The following GRK4 variants were observed in gnomAD, a reference collection of about 807,000 sequenced individuals.
The protein encoded by GRK4 is G protein-coupled receptor kinase 2-like.
GRK4 carries 73 observed loss-of-function variants against 77.9 expected under a neutral mutation model. The ratio of observed to expected loss-of-function variants is 0.94; its 90% CI spans 0.78 to 1.14. The LOEUF (loss-of-function observed/expected upper bound fraction) is 1.14, where lower values mean the gene tolerates loss of function less well. Among genes scored for constraint, GRK4 ranks in the 50% most tolerant of loss-of-function variants. The pLI is 0.00. For missense variants in GRK4, 729 were observed against 700.2 expected (o/e 1.04, Z -0.46); for synonymous variants, 257 against 254.4 (o/e 1.01, Z -0.10).
chr4:3,018,074 C>CT (rs1259774426), intron 8 of GRK4, among the ~76,000 whole-genome samples: 125 of 131,726 alleles, frequency 9.5e-4, no homozygotes, highest in Middle Eastern at 8.3e-3. Flanking sequence ...TTTTCTTTTT[C>CT]TTTTTTTTTT....
chr4:3,017,128 T>C (rs1168996353), intron 8 of GRK4, among the ~76,000 whole-genome samples: 2 of 152,228 alleles, frequency 1.3e-5, no homozygotes, highest in Non-Finnish European at 2.9e-5. Flanking sequence ...TCCACTTTCC[T>C]GATTAAAAAC....
At position 2,992,283 on chromosome 4, in the gene GRK4, C is replaced by T; in HGVS notation, c.330C>T (p.Phe110=). Residue 110 remains phenylalanine (F), a synonymous_variant, in exon 4 of 16, where the codon TTC becomes TTT. Coordinates refer to ENST00000398052, the MANE Select transcript of GRK4 (RefSeq NM_182982.3). ...GACTGTCAATCTTAGATAGATTCTT[C>T]AATGATAAGGTGTGTTTTCTTCTTT... ...DCGLSILDRF[F]NDKLAAPLPE... The T allele has an allele frequency of 6.3e-7, 1 of 1,596,962 alleles. No homozygotes were observed. The highest frequency in any genetic ancestry group is 1.7e-4 in the Middle Eastern group (1 of 5,988).
At chr4:3,008,813 A>C (rs1176944746) in intron 6 of GRK4, among the ~76,000 whole-genome samples, 1 of 152,078 alleles carries the variant, frequency 6.6e-6, no homozygotes, top group Non-Finnish European at 1.5e-5. Context: ...AAAAAAAAAA[A>C]AAAAAGTGTT....
chr4:2,977,376 A>G (rs569924479), intron 1 of GRK4, among the ~76,000 whole-genome samples: 1 of 152,274 alleles, frequency 6.6e-6, no homozygotes, highest in East Asian at 1.9e-4. Flanking sequence ...TGTTGCTGCT[A>G]CTGAATAACG....
At chr4:3,001,073 C>CTATATATATATATATATATATATATATA (rs368506630) in intron 4 of GRK4, among the ~76,000 whole-genome samples, 1 of 76,124 alleles carries the variant, frequency 1.3e-5, no homozygotes, top group African/African-American at 6.6e-5. Flanking sequence ...CTAAATGAGA[C>CTATATATATATATATATATATATATATA]TATATATATA....
chr4:2,997,290 A>G (rs919405109), intron 4 of GRK4, among the ~76,000 whole-genome samples: 1 of 152,216 alleles, frequency 6.6e-6, no homozygotes, highest in African/African-American at 2.4e-5. Flanking sequence ...ATCAATTACT[A>G]TAATACACCA....
At chr4:2,964,147 A>ACCCCCC in intron 1 of GRK4, 25 bp downstream of exon 1, 1 of 1,152,872 alleles carries the variant, frequency 8.7e-7, no homozygotes, top group Non-Finnish European at 1.2e-6. Context: ...GGCGCCCCCG[A>ACCCCCC]CCCCCCCCCC....
chr4:3,007,895 C>T (rs1731774907), intron 6 of GRK4, 67 bp downstream of exon 6: 1 of 1,065,156 alleles, frequency 9.4e-7, no homozygotes, highest in Non-Finnish European at 1.4e-6. Context: ...CCCAGCTACT[C>T]AGGAGGCTGA....
At chr4:3,037,535 C>G (rs779845210) in intron 14 of GRK4, 24 bp downstream of exon 14, 1 of 1,587,720 alleles carries the variant, frequency 6.3e-7, no homozygotes, top group East Asian at 2.3e-5. Flanking sequence ...AGCACAGCCG[C>G]TTTACGTTAG....
chr4:2,971,760 G>A lies in GRK4; in HGVS notation c.52+7638G>A, dbSNP rs550497219. On this transcript the variant is annotated intron_variant, in intron 1 of 15. Coordinates refer to ENST00000398052, the MANE Select transcript of GRK4 (RefSeq NM_182982.3). ...TTCTGTGGGCTGTGAGGAAGAATCT[G>A]TCGCAGGCCTCTCTCCCAGCCTCTG... is the stretch of plus-strand genomic sequence containing the variant. Among the ~76,000 whole-genome samples, 48 of 152,344 alleles carry A rather than the reference G, an allele frequency of 3.2e-4. No individual in the cohort carries two copies. The South Asian group carries it at 9.7e-3, about 31-fold the overall frequency.
chr4:3,001,089 A>ATATATATGTGTG, intron 4 of GRK4, among the ~76,000 whole-genome samples: 1 of 82,432 alleles, frequency 1.2e-5, no homozygotes, highest in African/African-American at 5.8e-5. Flanking sequence ...ATATATATAT[A>ATATATATGTGTG]TGTGTGTGTG....
chr4:3,039,901 T>C (rs1441252419), intron 15 of GRK4, among the ~76,000 whole-genome samples: 1 of 152,022 alleles, frequency 6.6e-6, no homozygotes, highest in African/African-American at 2.4e-5. Flanking sequence ...TGTCCACACT[T>C]GGAGATGGAA....
intron 12 of GRK4, among the ~76,000 whole-genome samples, chr4:3,032,893 G>A (rs1057388370): frequency 3.9e-5 from 6 of 152,218 alleles, no homozygotes; most frequent in African/African-American, 1.2e-4. Context: ...GCCAGCTTTT[G>A]GACCAAGCCC....
At chr4:3,004,193 T>C (rs550286590) in intron 4 of GRK4, 38 bp from the exon 5 acceptor site, 1 of 1,341,318 alleles carries the variant, frequency 7.5e-7, no homozygotes, top group South Asian at 1.2e-5. Context: ...AGTTATGAAA[T>C]CACTAATGGT....
At position 2,963,595 on chromosome 4, in the gene GRK4, G is replaced by C. The variant is rs1457941256; in HGVS notation, c.-476G>C. 3 of 436,306 alleles carry C rather than the reference G, an allele frequency of 6.9e-6. No homozygotes were observed. The highest frequency in any genetic ancestry group is 1.2e-5 in the Non-Finnish European group (3 of 249,222). The allele number at this position is 436,306 out of a possible 1,614,324, so 27.0% of individuals were successfully genotyped here. A position where few individuals can be genotyped will look rare whatever the true frequency, so the allele number is the denominator to read the frequency against. ...TGTAGTGCCCCGGCCGCGGCGGCGA[G>C]GGGCGCTCCCTCTTCAGCTAAGCCG... is the stretch of plus-strand genomic sequence containing the variant. On this transcript the variant is annotated 5_prime_UTR_variant, in exon 1 of 16. Coordinates refer to ENST00000398052, the MANE Select transcript of GRK4 (RefSeq NM_182982.3).
At chr4:3,032,543 G>A (rs1739463591) in intron 12 of GRK4, among the ~76,000 whole-genome samples, 1 of 152,174 alleles carries the variant, frequency 6.6e-6, no homozygotes, top group Admixed American at 6.5e-5. Flanking sequence ...AAGGCTCAGG[G>A]GCTTTCAAGA....
intron 9 of GRK4, among the ~76,000 whole-genome samples, chr4:3,021,883 C>T (rs988791360): frequency 6.6e-6 from 1 of 152,196 alleles, no homozygotes; most frequent in Non-Finnish European, 1.5e-5. Context: ...TCAGTGGGGG[C>T]TGCACCATGT....
At chr4:3,030,246 G>C (rs1738769153) in intron 12 of GRK4, among the ~76,000 whole-genome samples, 1 of 152,092 alleles carries the variant, frequency 6.6e-6, no homozygotes, top group Non-Finnish European at 1.5e-5. Flanking sequence ...TCACAGCAAG[G>C]AGATGAGCCC....
chr4:3,005,648 G>A (rs77045249), intron 5 of GRK4, among the ~76,000 whole-genome samples: 2 of 151,928 alleles, frequency 1.3e-5, no homozygotes, highest in Non-Finnish European at 2.9e-5. Context: ...CCAAAAAAAT[G>A]CAAAAATTAG....
Sources: gnomAD v4.1 joint callset for allele counts (sites outside exome capture counted in the v4.1 genomes callset) on GRCh38, gnomAD v4.1.1 for gene constraint, MANE v1.5 for transcripts, NCBI Gene and HGNC (gene_info 2026-07-23, HGNC 2026-07-21) for gene names.